BST1: variants seen among roughly 807,000 people sequenced by gnomAD.
The protein encoded by BST1 is bone marrow stromal cell antigen 1, also known as ADP-ribosyl cyclase/cyclic ADP-ribose hydrolase 2.
In BST1, 49 loss-of-function variants were observed where a neutral mutation model predicts 40.6. That is an observed-to-expected ratio of 1.21 (90% CI 0.96 to 1.53). The LOEUF (loss-of-function observed/expected upper bound fraction) is 1.53, where lower values mean the gene tolerates loss of function less well. BST1 is among the 40% of genes most tolerant of loss of function. The pLI is 0.00. For missense variants in BST1, 423 were observed against 395.9 expected (o/e 1.07, Z -0.58); for synonymous variants, 157 against 159.3 (o/e 0.99, Z 0.11).
chr4:15,738,977 G>C (rs1197283094), downstream of BST1, among the ~76,000 whole-genome samples: 1 of 152,206 alleles, frequency 6.6e-6, no homozygotes, highest in Non-Finnish European at 1.5e-5. Context: ...GTGAGAAAGT[G>C]GAACTCAGGA....
At chr4:15,743,308 A>T (rs1721788034), downstream of BST1, 1 of 335,034 alleles carries the variant, frequency 3.0e-6, no homozygotes, top group Non-Finnish European at 5.9e-6. Context: ...AAACAGCTAA[A>T]CAGAACAAAA....
At chr4:15,706,559 C>T (rs1431523823) in intron 2 of BST1, among the ~76,000 whole-genome samples, 1 of 152,122 alleles carries the variant, frequency 6.6e-6, no homozygotes, top group Non-Finnish European at 1.5e-5. Context: ...TTGCTTAAAA[C>T]AATACCTCAA....
intron 3 of BST1, among the ~76,000 whole-genome samples, chr4:15,709,231 T>C (rs559977990): frequency 6.6e-6 from 1 of 152,150 alleles, no homozygotes; most frequent in African/African-American, 2.4e-5. Flanking sequence ...GATAAGCTGA[T>C]ATTTGAACAA....
intron 3 of BST1, among the ~76,000 whole-genome samples, chr4:15,707,911 A>G (rs1426324131): frequency 2.7e-5 from 4 of 150,538 alleles, no homozygotes; most frequent in Non-Finnish European, 5.9e-5. Context: ...ATATCTATAC[A>G]TATCTATATC....
the BST1 span, among the ~76,000 whole-genome samples, chr4:15,757,485 G>A: frequency 6.6e-6 from 1 of 151,908 alleles, no homozygotes; most frequent in Non-Finnish European, 1.5e-5. Flanking sequence ...TCTATAAAGA[G>A]GACAAAAGCA....
chr4:15,754,095 A>G, the BST1 span, among the ~76,000 whole-genome samples: 2 of 152,212 alleles, frequency 1.3e-5, no homozygotes, highest in South Asian at 4.1e-4. Flanking sequence ...GTGTGAGGCC[A>G]CAGCTTCTTC....
the BST1 span, among the ~76,000 whole-genome samples, chr4:15,744,247 G>A: frequency 3.3e-4 from 50 of 152,294 alleles, 1 homozygote; most frequent in East Asian, 8.5e-3. Flanking sequence ...CTGCTATAAA[G>A]AGCAGCTCGA....
intron 2 of BST1, among the ~76,000 whole-genome samples, chr4:15,707,009 A>G (rs1560276845): frequency 1.3e-5 from 2 of 152,234 alleles, no homozygotes; most frequent in Non-Finnish European, 2.9e-5. Flanking sequence ...TGGAAACTAT[A>G]AAGTATAATA....
chr4:15,721,655 G>A (rs1180037271), intron 7 of BST1, among the ~76,000 whole-genome samples: 11 of 145,832 alleles, frequency 7.5e-5, no homozygotes, highest in Admixed American at 1.4e-4. Context: ...GGGGCCTGTC[G>A]TGGGGTAGGG....
At chr4:15,765,708 C>G in the BST1 span, among the ~76,000 whole-genome samples, 1 of 151,918 alleles carries the variant, frequency 6.6e-6, no homozygotes, top group African/African-American at 2.4e-5. Context: ...GCCCTGTTCC[C>G]CCAGATTTCA....
At chr4:15,728,963 C>T (rs1203593157) in intron 8 of BST1, among the ~76,000 whole-genome samples, 1 of 151,908 alleles carries the variant, frequency 6.6e-6, no homozygotes, top group Non-Finnish European at 1.5e-5. Flanking sequence ...TGATTTTAGG[C>T]TTGGGATTTT....
the BST1 span, among the ~76,000 whole-genome samples, chr4:15,747,108 G>A: frequency 2.4e-4 from 37 of 152,240 alleles, no homozygotes; most frequent in Non-Finnish European, 5.1e-4. Flanking sequence ...TTAAATCTGG[G>A]CCTGAGGTTC....
At chr4:15,729,988 AG>A (rs1376753402) in intron 8 of BST1, among the ~76,000 whole-genome samples, 1 of 152,256 alleles carries the variant, frequency 6.6e-6, no homozygotes, top group African/African-American at 2.4e-5. Flanking sequence ...AAAAAAGTAA[AG>A]AAAAATGTAA....
chr4:15,723,864 T>A (rs1041034963), intron 8 of BST1, among the ~76,000 whole-genome samples: 1 of 152,226 alleles, frequency 6.6e-6, no homozygotes, highest in Non-Finnish European at 1.5e-5. Context: ...GTATTTTCTA[T>A]ATCCATATCT....
intron 3 of BST1, among the ~76,000 whole-genome samples, chr4:15,710,396 G>A (rs1720125017): frequency 6.6e-6 from 1 of 152,050 alleles, no homozygotes; most frequent in Non-Finnish European, 1.5e-5. Context: ...AGGGTAATTA[G>A]CATATCAATC....
intron 3 of BST1, among the ~76,000 whole-genome samples, chr4:15,709,575 T>C (rs1354718704): frequency 1.3e-5 from 2 of 152,168 alleles, no homozygotes; most frequent in East Asian, 1.9e-4. Context: ...GAAAAACACA[T>C]AAAGAAAGGG....
At chr4:15,715,904 C>T (rs1720491368) in intron 6 of BST1, 105 bp downstream of exon 6, 2 of 796,248 alleles carry the variant, frequency 2.5e-6, no homozygotes, top group Non-Finnish European at 1.9e-6. Context: ...AAATGACAGC[C>T]TTCTTTGCTT....
the BST1 span, among the ~76,000 whole-genome samples, chr4:15,760,262 ATT>A: frequency 7.4e-5 from 11 of 148,010 alleles, no homozygotes; most frequent in South Asian, 4.3e-4. Flanking sequence ...TTAGCATTTC[ATT>A]TTTTTTTTTG....
chr4:15,758,719 G>C, the BST1 span, among the ~76,000 whole-genome samples: 2 of 152,106 alleles, frequency 1.3e-5, no homozygotes, highest in African/African-American at 4.8e-5. Flanking sequence ...TCTAGCCTCT[G>C]TAACCACCAG....
Sources: gnomAD v4.1 joint callset for allele counts (sites outside exome capture counted in the v4.1 genomes callset) on GRCh38, gnomAD v4.1.1 for gene constraint, MANE v1.5 for transcripts, NCBI Gene and HGNC (gene_info 2026-07-23, HGNC 2026-07-21) for gene names.